The following ZFYVE27 variants were observed in gnomAD, a reference collection of about 807,000 sequenced individuals.
The protein encoded by ZFYVE27 is protrudin.
Under a neutral mutation model 52.8 loss-of-function variants are expected in ZFYVE27, and 36 were observed. The ratio of observed to expected loss-of-function variants is 0.68; its 90% CI spans 0.52 to 0.90. ZFYVE27 has a LOEUF of 0.90. Among genes scored for constraint, ZFYVE27 ranks in the 40% least tolerant of loss-of-function variants. ZFYVE27 has a pLI of 0.00. For missense variants in ZFYVE27, 450 were observed against 527.2 expected, an observed-to-expected ratio of 0.85 and a Z score of 1.43; for synonymous variants, 223 against 215.6, an observed-to-expected ratio of 1.03 and a Z score of -0.30.
At chr10:97,751,297 G>A in intron 7 of ZFYVE27, 94 bp from the exon 8 acceptor site, 3 of 1,393,944 alleles carry the variant, frequency 2.2e-6, no homozygotes, top group Non-Finnish European at 3.1e-6. Context: ...GTGGTGTTTT[G>A]GGTAGCCTGG....
Position 97,759,352 on chromosome 10 carries a change from C to T in ZFYVE27, c.*52C>T. The T allele has an allele frequency of 6.3e-7, 1 of 1,588,160 alleles. No individual in the cohort carries two copies. The highest frequency in any genetic ancestry group is 8.6e-7 in the Non-Finnish European group (1 of 1,157,234). ...ACCCGTCCTTGGGACCAGCAGTAGA[C>T]CCCCCACTCTCCCCACCCCTGGCCC... is the stretch of plus-strand genomic sequence containing the variant. On this transcript the variant is annotated 3_prime_UTR_variant, in exon 13 of 13. Coordinates refer to ENST00000684270, the MANE Select transcript of ZFYVE27 (RefSeq NM_001385875.1).
In ZFYVE27 at chr10:97,737,251, C is replaced by G. The variant is rs1293232939; in HGVS notation, c.-72C>G. The stretch of plus-strand genomic sequence containing the variant: ...CAGCCGGGGGAGGCCTGAAGAAACG[C>G]TCCGGGGCCCAGTGGCTCTACCCCT... On this transcript the variant is annotated 5_prime_UTR_variant, in exon 1 of 13. Coordinates refer to ENST00000684270, the MANE Select transcript of ZFYVE27 (RefSeq NM_001385875.1). The G allele has an allele frequency of 1.3e-5, 2 of 152,318 alleles. No individual in the cohort carries two copies. The highest frequency in any genetic ancestry group is 4.8e-5 in the African/African-American group (2 of 41,478). The allele number at this position is 152,318 out of a possible 1,614,324, so 9.4% of individuals were successfully genotyped here.
rs1257741446 is a variant in ZFYVE27, at chr10:97,738,611, A to G, written c.134A>G (p.Lys45Arg). ...CTTTTCAACTTGGTTCTCTCCTACA[A>G]GAGGCTGGAGATCTACCTGGAACCC... ...FDLFNLVLSY[K>R]RLEIYLEPLK... Residue 45 changes from lysine (K) to arginine (R), a missense_variant, in exon 2 of 13, where the codon AAG (lysine) becomes AGG (arginine). By Grantham distance (26) the Lys-to-Arg change is conservative (BLOSUM62 2). Transcript: ENST00000684270. 2.5e-6 allele frequency: 4 copies of G among 1,613,950 alleles called. No homozygotes were observed. Among genetic ancestry groups the G allele is most frequent in the Non-Finnish European group, 3.4e-6 (4 of 1,180,008 alleles).
At chr10:97,751,793 G>T (rs1395389165) in intron 8 of ZFYVE27, among the ~76,000 whole-genome samples, 2 of 152,150 alleles carry the variant, frequency 1.3e-5, no homozygotes, top group African/African-American at 4.8e-5. Context: ...CTACTGCCCT[G>T]GGTCTCCGCT....
intron 8 of ZFYVE27, among the ~76,000 whole-genome samples, chr10:97,752,560 C>T (rs1055752524): frequency 5.9e-5 from 9 of 152,138 alleles, no homozygotes; most frequent in African/African-American, 1.9e-4. Context: ...CAAAAGTTTC[C>T]GGAAAATACG....
At position 97,737,278 on chromosome 10, in the gene ZFYVE27, C is replaced by T. The variant is rs2042329150; in HGVS notation, c.-45C>T. 1 of 152,432 alleles carries T rather than the reference C, an allele frequency of 6.6e-6. No individual in the cohort carries two copies. The highest frequency in any genetic ancestry group is 2.4e-5 in the African/African-American group (1 of 41,470). 9.4% of individuals were successfully genotyped at this position (152,432 alleles called of 1,614,324 possible). ...CCGGGGCCCAGTGGCTCTACCCCTG[C>T]TCCTGCCCGACCCTGCCGCCTCCCT... On this transcript the variant is annotated 5_prime_UTR_variant, in exon 1 of 13. Coordinates refer to ENST00000684270, the MANE Select transcript of ZFYVE27 (RefSeq NM_001385875.1).
intron 4 of ZFYVE27, among the ~76,000 whole-genome samples, chr10:97,747,373 C>T (rs545852127): frequency 2.0e-5 from 3 of 152,300 alleles, no homozygotes; most frequent in Non-Finnish European, 4.4e-5. Context: ...ATGTAAATAT[C>T]TTGTTCCTCA....
chr10:97,759,446 C>A lies in ZFYVE27; in HGVS notation c.*146C>A, dbSNP rs2049197343. ...GCTTCCCCTTCCTTCCTCACTCTCT[C>A]CAGCTGGATTCTGGAGCTGTTCTCC... On this transcript the variant is annotated 3_prime_UTR_variant, in exon 13 of 13. Coordinates refer to ENST00000684270, the MANE Select transcript of ZFYVE27 (RefSeq NM_001385875.1). 4.9e-6 allele frequency: 4 copies of A among 819,256 alleles called. No individual in the cohort carries two copies. The highest frequency in any genetic ancestry group is 8.2e-6 in the Non-Finnish European group (4 of 485,320). The allele number at this position is 819,256 out of a possible 1,614,324, so 50.7% of individuals were successfully genotyped here. A position where few individuals can be genotyped will look rare whatever the true frequency, so the allele number is the denominator to read the frequency against.
chr10:97,748,183 C>A, intron 4 of ZFYVE27, 86 bp from the exon 5 acceptor site: 1 of 1,234,848 alleles, frequency 8.1e-7, no homozygotes, highest in Non-Finnish European at 1.2e-6. Flanking sequence ...GATTGACCAT[C>A]CCTAGCCAAC....
At chr10:97,744,652 C>G (rs1008941837) in intron 3 of ZFYVE27, 77 bp from the exon 4 acceptor site, 3 of 1,558,558 alleles carry the variant, frequency 1.9e-6, no homozygotes, top group Non-Finnish European at 2.6e-6. Context: ...AGGTGAGGAA[C>G]AAGCAGTGGG....
chr10:97,743,859 G>A (rs766947611), intron 3 of ZFYVE27, among the ~76,000 whole-genome samples: 9 of 152,164 alleles, frequency 5.9e-5, no homozygotes, highest in Non-Finnish European at 1.3e-4. Context: ...TCCGTGGTTG[G>A]CGCTGGCAGA....
intron 4 of ZFYVE27, among the ~76,000 whole-genome samples, chr10:97,747,618 T>A (rs976585281): frequency 6.6e-6 from 1 of 152,234 alleles, no homozygotes. Context: ...CAAATTGTCC[T>A]AGATTTGGCC....
intron 10 of ZFYVE27, 136 bp from the exon 11 acceptor site, chr10:97,757,129 C>A: frequency 8.2e-7 from 1 of 1,222,202 alleles, no homozygotes; most frequent in Non-Finnish European, 1.2e-6. Context: ...TGAATCTGGC[C>A]TTGCTCCCTG....
At chr10:97,749,232 C>G (rs1352466821) in intron 5 of ZFYVE27, among the ~76,000 whole-genome samples, 1 of 152,166 alleles carries the variant, frequency 6.6e-6, no homozygotes, top group African/African-American at 2.4e-5. Context: ...GATGGTTGAA[C>G]CAGTTTATGT....
chr10:97,750,233 G>A (rs2046570256), intron 6 of ZFYVE27, 98 bp from the exon 7 acceptor site: 1 of 1,482,672 alleles, frequency 6.7e-7, no homozygotes, highest in African/African-American at 1.4e-5. Context: ...TGTAGTGAAG[G>A]GAAGAGAGGC....
At chr10:97,752,414 C>T (rs1041509941) in intron 8 of ZFYVE27, among the ~76,000 whole-genome samples, 12 of 152,168 alleles carry the variant, frequency 7.9e-5, no homozygotes, top group South Asian at 2.1e-4. Flanking sequence ...GATTGTAGAC[C>T]GTGAATCTTG....
chr10:97,745,015 C>T, intron 4 of ZFYVE27, 100 bp downstream of exon 4: 1 of 1,361,244 alleles, frequency 7.3e-7, no homozygotes, highest in Non-Finnish European at 1.0e-6. Context: ...AGGCAAACCA[C>T]AGCTGTTACT....
In ZFYVE27 at chr10:97,760,556, G is replaced by C. The variant is rs1478664672; in HGVS notation, c.*1256G>C. Reference sequence around the variant, plus strand: ...CTTCTACCTAGGACTCTTCCCTGGAGTCATGGGCTGCCTGGGACCCAGGAC... The same window carrying C: ...CTTCTACCTAGGACTCTTCCCTGGACTCATGGGCTGCCTGGGACCCAGGAC... On this transcript the variant is annotated 3_prime_UTR_variant, in exon 13 of 13. Transcript: ENST00000684270. The C allele has an allele frequency of 6.6e-6, 1 of 152,296 alleles. No individual in the cohort carries two copies. Among genetic ancestry groups the C allele is most frequent in the Non-Finnish European group, 1.5e-5 (1 of 68,120 alleles). The allele number at this position is 152,296 out of a possible 1,614,324, so 9.4% of individuals were successfully genotyped here. A position where few individuals can be genotyped will look rare whatever the true frequency, so the allele number is the denominator to read the frequency against.
intron 5 of ZFYVE27, among the ~76,000 whole-genome samples, chr10:97,749,099 TAC>T (rs1343173237): frequency 6.6e-6 from 1 of 152,190 alleles, no homozygotes; most frequent in Non-Finnish European, 1.5e-5. Flanking sequence ...GTCCCCATCT[TAC>T]ACGGGAAGGG....
Sources: gnomAD v4.1 joint callset for allele counts (sites outside exome capture counted in the v4.1 genomes callset) on GRCh38, gnomAD v4.1.1 for gene constraint, MANE v1.5 for transcripts, NCBI Gene and HGNC (gene_info 2026-07-23, HGNC 2026-07-21) for gene names.